NAV2: variants seen among roughly 807,000 people sequenced by gnomAD.
NAV2 encodes the protein neuron navigator 2.
NAV2 carries 54 observed loss-of-function variants against 223.2 expected under a neutral mutation model. The observed-to-expected ratio is 0.24, with a 90% CI of 0.19 to 0.30. NAV2 has a LOEUF of 0.30. NAV2 is among the 10% of genes least tolerant of loss of function. The pLI, the probability that NAV2 is intolerant of heterozygous loss-of-function variation, is 1.00. For missense variants in NAV2, 2,806 were observed against 3,147.5 expected (o/e 0.89, Z 2.60); for synonymous variants, 1,279 against 1,239.3 (o/e 1.03, Z -0.67).
rs1022804107 is a variant in NAV2, at chr11:19,854,040, G to A, written c.438+11117G>A. Among the ~76,000 whole-genome samples the A allele has an allele frequency of 1.8e-4, 28 of 152,296 alleles. 1 individual carries two copies. In the East Asian group the frequency reaches 5.4e-3, roughly 29 times the overall value. ...AGGCTGACCGAGGTTGGGGCTGGGG[G>A]AAGGGAAACATAGCTGTAGATCTGA... On this transcript the variant is annotated intron_variant, in intron 3 of 37. Coordinates refer to ENST00000349880, the MANE Select transcript of NAV2 (RefSeq NM_145117.5).
At chr11:19,514,511 A>G (rs1414686790) in intron 1 of NAV2, among the ~76,000 whole-genome samples, 8 of 152,184 alleles carry the variant, frequency 5.3e-5, no homozygotes, top group Admixed American at 5.2e-4. Flanking sequence ...GGAAATGACC[A>G]GAGTACACTT....
At chr11:19,836,414 G>T (rs1422845826) in intron 2 of NAV2, among the ~76,000 whole-genome samples, 1 of 151,808 alleles carries the variant, frequency 6.6e-6, no homozygotes, top group Non-Finnish European at 1.5e-5. Flanking sequence ...AAAATTAGCC[G>T]GGCGCGGTGG....
intron 3 of NAV2, among the ~76,000 whole-genome samples, chr11:19,851,968 A>G (rs1361703919): frequency 6.6e-6 from 1 of 152,200 alleles, no homozygotes; most frequent in African/African-American, 2.4e-5. Flanking sequence ...GGAAGATGCT[A>G]AGTTGCAGGC....
At chr11:19,629,440 C>G (rs565042040) in intron 1 of NAV2, among the ~76,000 whole-genome samples, 2 of 152,096 alleles carry the variant, frequency 1.3e-5, no homozygotes, top group East Asian at 3.9e-4. Flanking sequence ...TGGTTTCAGA[C>G]AGTATTTGAT....
At position 19,855,084 on chromosome 11, in the gene NAV2, T is replaced by C. The variant is rs144303137; in HGVS notation, c.438+12161T>C. Among the ~76,000 whole-genome samples the C allele has an allele frequency of 8.4e-3, 1,286 of 152,322 alleles. 14 individuals are homozygous for C. Among genetic ancestry groups the C allele is most frequent in the African/African-American group, 0.029 (1,223 of 41,568 alleles). ...GGCTTAGGAAGGCTCTTAAACACTC[T>C]GTGCCTCCATTTCCCCATCTGAAAA... On this transcript the variant is annotated intron_variant, in intron 3 of 37. Transcript: ENST00000349880.
intron 1 of NAV2, among the ~76,000 whole-genome samples, chr11:19,799,461 T>A (rs755202957): frequency 6.6e-6 from 1 of 151,892 alleles, no homozygotes; most frequent in Non-Finnish European, 1.5e-5. Flanking sequence ...TGTGGGCAGA[T>A]AGCATGAGAT....
At chr11:19,734,952 C>G (rs936863006) in intron 1 of NAV2, among the ~76,000 whole-genome samples, 13 of 152,188 alleles carry the variant, frequency 8.5e-5, no homozygotes, top group African/African-American at 3.1e-4. Context: ...CATGGACTCT[C>G]CAGACAGCCA....
intron 1 of NAV2, among the ~76,000 whole-genome samples, chr11:19,783,454 G>A (rs1313155521): frequency 6.6e-6 from 1 of 152,152 alleles, no homozygotes; most frequent in African/African-American, 2.4e-5. Flanking sequence ...TCCTTTTGAA[G>A]CTCAGATTGA....
chr11:20,114,659 C>G lies in NAV2; in HGVS notation c.7028C>G (p.Ala2343Gly). The G allele has an allele frequency of 6.2e-7, 1 of 1,614,114 alleles. No individual in the cohort carries two copies. The highest frequency in any genetic ancestry group is 8.5e-7 in the Non-Finnish European group (1 of 1,180,002). ...KWVMDTYPWAASPQQHEWPPL... is the reference protein window; with the variant it reads ...KWVMDTYPWAGSPQQHEWPPL... ...GTGATGGACACATATCCATGGGCAG[C>G]CAGCCCACAACAGCACGAGTGGCCT... The change falls in exon 37 of 38, where the codon GCC becomes GGC. Residue 2343 changes from alanine (A) to glycine (G), a missense_variant. Coordinates refer to ENST00000349880, the MANE Select transcript of NAV2 (RefSeq NM_145117.5).
At chr11:20,036,720 G>A (rs2056408476) in intron 12 of NAV2, among the ~76,000 whole-genome samples, 2 of 152,154 alleles carry the variant, frequency 1.3e-5, no homozygotes, top group African/African-American at 4.8e-5. Context: ...GAAAAACAAA[G>A]ATATTGCTTC....
intron 3 of NAV2, among the ~76,000 whole-genome samples, chr11:19,860,997 G>A (rs2061738032): frequency 6.7e-6 from 1 of 150,074 alleles, no homozygotes; most frequent in Non-Finnish European, 1.5e-5. Context: ...TCCAGCTTCG[G>A]CTCGGCATCA....
chr11:19,793,927 C>T (rs1281303396), intron 1 of NAV2, among the ~76,000 whole-genome samples: 1 of 152,196 alleles, frequency 6.6e-6, no homozygotes, highest in Non-Finnish European at 1.5e-5. Context: ...CTCGGAGAGG[C>T]CGCCGGGACC....
intron 1 of NAV2, among the ~76,000 whole-genome samples, chr11:19,532,864 G>C (rs2044070047): frequency 6.6e-6 from 1 of 152,212 alleles, no homozygotes; most frequent in South Asian, 2.1e-4. Flanking sequence ...CATGGGAATG[G>C]AGTGTTCCTG....
chr11:19,395,982 C>T (rs1377432965), intron 1 of NAV2, among the ~76,000 whole-genome samples: 3 of 152,154 alleles, frequency 2.0e-5, no homozygotes, highest in African/African-American at 7.2e-5. Context: ...TTGAGTTGGC[C>T]TCAGGCAGGA....
At chr11:19,580,897 C>A (rs912492791) in intron 1 of NAV2, among the ~76,000 whole-genome samples, 1 of 152,176 alleles carries the variant, frequency 6.6e-6, no homozygotes, top group African/African-American at 2.4e-5. Flanking sequence ...TTTATCCTCC[C>A]ACAAGAATGT....
chr11:19,630,661 T>C (rs1168918315), intron 1 of NAV2, among the ~76,000 whole-genome samples: 6 of 152,054 alleles, frequency 3.9e-5, no homozygotes, highest in Admixed American at 3.3e-4. Flanking sequence ...CCAAGGAAGA[T>C]GGATCACTTG....
chr11:19,548,162 A>G (rs2044565806), intron 1 of NAV2, among the ~76,000 whole-genome samples: 1 of 152,198 alleles, frequency 6.6e-6, no homozygotes, highest in Non-Finnish European at 1.5e-5. Context: ...GCTGTCGGTA[A>G]TGGGTATCTC....
intron 1 of NAV2, among the ~76,000 whole-genome samples, chr11:19,378,549 T>C (rs1280475511): frequency 6.7e-6 from 1 of 148,796 alleles, no homozygotes; most frequent in African/African-American, 2.5e-5. Flanking sequence ...TTTGTGGTGA[T>C]AGGGCCGGTC....
upstream of NAV2, among the ~76,000 whole-genome samples, chr11:19,350,436 G>A (rs371545482): frequency 1.6e-4 from 24 of 152,368 alleles, no homozygotes; most frequent in African/African-American, 4.6e-4. Context: ...TGTGATGAAC[G>A]CTTGCAGGAG....
Sources: gnomAD v4.1 joint callset for allele counts (sites outside exome capture counted in the v4.1 genomes callset) on GRCh38, gnomAD v4.1.1 for gene constraint, MANE v1.5 for transcripts, NCBI Gene and HGNC (gene_info 2026-07-23, HGNC 2026-07-21) for gene names.